The following HFE variants were observed in gnomAD, a reference collection of about 807,000 sequenced individuals.
HFE encodes homeostatic iron regulator.
In HFE, 36 loss-of-function variants were observed where a neutral mutation model predicts 40.9. The ratio of observed to expected loss-of-function variants is 0.88; its 90% CI spans 0.67 to 1.16. The LOEUF (loss-of-function observed/expected upper bound fraction) is 1.16. Among genes scored for constraint, HFE ranks in the 50% most tolerant of loss-of-function variants. HFE has a pLI of 0.00. For synonymous variants in HFE, 157 were observed against 165.4 expected (o/e 0.95, Z 0.39); for missense variants, 376 against 432.0 (o/e 0.87, Z 1.15).
At position 26,087,446 on chromosome 6, in the gene HFE, C is replaced by T. The variant is rs558658016; in HGVS notation, c.6C>T (p.Gly2=). ...GTGCGGCCAGAGCTGGGGAAATGGG[C>T]CCGCGAGCCAGGCCGGCGCTTCTCC... M[G]PRARPALLLL... The change falls in exon 1 of 6, where the codon GGC becomes GGT. Residue 2 remains glycine, a synonymous_variant. Coordinates refer to ENST00000357618, the MANE Select transcript of HFE (RefSeq NM_000410.4). 14 of 1,614,012 alleles carry T rather than the reference C, an allele frequency of 8.7e-6. No homozygotes were observed. In the African/African-American group the frequency reaches 1.5e-4, roughly 17 times the overall value.
Position 26,096,628 on chromosome 6 carries a change from T to C in HFE, c.*2402T>C, listed in dbSNP as rs1156813413. 1 of 448,846 alleles carries C rather than the reference T, an allele frequency of 2.2e-6. No homozygotes were observed. The highest frequency in any genetic ancestry group is 1.6e-5 in the South Asian group (1 of 62,362). The allele number at this position is 448,846 out of a possible 1,614,324, so 27.8% of individuals were successfully genotyped here. The stretch of plus-strand genomic sequence containing the variant: ...ATATCTCATCTCTTCTTTTAAACCA[T>C]TTTCTTTTTTTGTGGTTAGAAAAGT... On this transcript the variant is annotated 3_prime_UTR_variant, in exon 6 of 6. Transcript: ENST00000357618.
In HFE at chr6:26,097,872, ACT is replaced by A. The variant is rs1003847309; in HGVS notation, c.*3647_*3648del. ...ACTCACACACATTTAAAAACAAAACACTGTCTCTAAAATCCCCAAATTTTTCA... is the reference window on the plus strand; with the variant it reads ...ACTCACACACATTTAAAAACAAAACAGTCTCTAAAATCCCCAAATTTTTCA... On this transcript the variant is annotated 3_prime_UTR_variant, in exon 6 of 6. Coordinates refer to ENST00000357618, the MANE Select transcript of HFE (RefSeq NM_000410.4). 2 of 152,152 alleles carry A rather than the reference ACT, an allele frequency of 1.3e-5. No individual in the cohort carries two copies. The highest frequency in any genetic ancestry group is 2.9e-5 in the Non-Finnish European group (2 of 68,040). 9.4% of individuals were successfully genotyped at this position (152,152 alleles called of 1,614,324 possible).
Position 26,094,723 on chromosome 6 carries a change from CAGTAACTCAT to C in HFE, c.*498_*507del. The C allele has an allele frequency of 2.1e-6, 1 of 465,720 alleles. No homozygotes were observed. The highest frequency in any genetic ancestry group is 2.2e-5 in the South Asian group (1 of 44,954). 28.8% of individuals were successfully genotyped at this position (465,720 alleles called of 1,614,324 possible). A position where few individuals can be genotyped will look rare whatever the true frequency, so the allele number is the denominator to read the frequency against. ...CTTTGAATCCTCTCTCTGTGTTACC[CAGTAACTCAT>C]CTGTCACCAAGCCTTGGGGATTCTT... On this transcript the variant is annotated 3_prime_UTR_variant, in exon 6 of 6. Transcript: ENST00000357618.
chr6:26,087,548 C>A (rs377173543), intron 1 of HFE, 32 bp downstream of exon 1: 32 of 1,587,888 alleles, frequency 2.0e-5, no homozygotes, highest in Non-Finnish European at 2.7e-5. Context: ...GAACTAGGGG[C>A]GCGGCGGGGG....
chr6:26,090,455 A>AAAT (rs1277600977), intron 1 of HFE, among the ~76,000 whole-genome samples: 3 of 150,344 alleles, frequency 2.0e-5, no homozygotes, highest in Non-Finnish European at 3.0e-5. Flanking sequence ...AAAAAAAAAA[A>AAAT]AAAAAAAAAA....
At position 26,096,693 on chromosome 6, in the gene HFE, A is replaced by G; in HGVS notation, c.*2467A>G. On this transcript the variant is annotated 3_prime_UTR_variant, in exon 6 of 6. Transcript: ENST00000357618. ...TAAATGTGATTTACGCTCATTGTAG[A>G]AAAGCTATAAAATGAATACAATTAA... The G allele has an allele frequency of 2.4e-6, 1 of 412,302 alleles. No homozygotes were observed. The highest frequency in any genetic ancestry group is 4.7e-6 in the Non-Finnish European group (1 of 211,810). The allele number at this position is 412,302 out of a possible 1,614,324, so 25.5% of individuals were successfully genotyped here.
Position 26,087,533 on chromosome 6 carries a change from C to T in HFE, c.76+17C>T, listed in dbSNP as rs972192371. The T allele has an allele frequency of 1.9e-6, 3 of 1,605,606 alleles. No homozygotes were observed. The highest frequency in any genetic ancestry group is 1.3e-5 in the African/African-American group (1 of 74,866). On this transcript the variant is annotated intron_variant, in intron 1 of 5. Coordinates refer to ENST00000357618, the MANE Select transcript of HFE (RefSeq NM_000410.4). ...GCTTGCTGCGTGAGTCCGAGGGCTG[C>T]GGGCGAACTAGGGGCGCGGCGGGGG...
rs111033557 is a variant in HFE at position 26,090,939 on chromosome 6, G to A, written c.175G>A (p.Val59Met). ...GGGCTACGTGGATGACCAGCTGTTC[G>A]TGTTCTATGATCATGAGAGTCGCCG... is the stretch of plus-strand genomic sequence containing the variant. ...ALGYVDDQLF[V>M]FYDHESRRVE... Residue 59 changes from valine (V) to methionine (M), a missense_variant, in exon 2 of 6, where the codon GTG becomes ATG. Transcript: ENST00000357618. The A allele has an allele frequency of 3.5e-5, 56 of 1,614,002 alleles. No individual in the cohort carries two copies. Among genetic ancestry groups the A allele is most frequent in the Non-Finnish European group, 4.3e-5 (51 of 1,180,028 alleles).
At chr6:26,093,025 A>T in intron 4 of HFE, 65 bp downstream of exon 4, 1 of 1,613,914 alleles carries the variant, frequency 6.2e-7, no homozygotes. Context: ...GTGCCTGAGG[A>T]GGTAATTATG....
chr6:26,091,652 A>T, intron 3 of HFE, 63 bp downstream of exon 3: 1 of 1,569,130 alleles, frequency 6.4e-7, no homozygotes, highest in Non-Finnish European at 8.7e-7. Flanking sequence ...GTTGCAGGGC[A>T]CGGAATCCCT....
At chr6:26,093,636 G>T (rs1762879941) in intron 5 of HFE, among the ~76,000 whole-genome samples, 2 of 152,070 alleles carry the variant, frequency 1.3e-5, no homozygotes, top group Admixed American at 1.3e-4. Context: ...TTCAGCTGGG[G>T]ATCAAGATAG....
At position 26,094,576 on chromosome 6, in the gene HFE, G is replaced by A. The variant is rs1762934307; in HGVS notation, c.*350G>A. 1.5e-6 allele frequency: 1 copy of A among 655,388 alleles called. No individual in the cohort carries two copies. Among genetic ancestry groups the A allele is most frequent in the African/African-American group, 1.8e-5 (1 of 55,018 alleles). 40.6% of individuals were successfully genotyped at this position (655,388 alleles called of 1,614,324 possible). On this transcript the variant is annotated 3_prime_UTR_variant, in exon 6 of 6. Coordinates refer to ENST00000357618, the MANE Select transcript of HFE (RefSeq NM_000410.4). ...TTGGAAGAGGACTCCTTAAATTTGGGGGACTTACATGATTCATTTTAACAT... is the reference window on the plus strand; with the variant it reads ...TTGGAAGAGGACTCCTTAAATTTGGAGGACTTACATGATTCATTTTAACAT...
chr6:26,091,661 C>T (rs1054783901), intron 3 of HFE, 72 bp downstream of exon 3: 11 of 1,542,558 alleles, frequency 7.1e-6, no homozygotes, highest in Non-Finnish European at 8.9e-6. Flanking sequence ...CACGGAATCC[C>T]TGGTTGGAGT....
chr6:26,092,835 T>C lies in HFE; in HGVS notation c.767T>C (p.Val256Ala), dbSNP rs1762821492. 6.2e-7 allele frequency: 1 copy of C among 1,614,212 alleles called. No individual in the cohort carries two copies. Among genetic ancestry groups the C allele is most frequent in the Non-Finnish European group, 8.5e-7 (1 of 1,180,036 alleles). ...GCCAAGGAGTTCGAACCTAAAGACGTATTGCCCAATGGGGATGGGACCTAC... is the reference window on the plus strand; with the variant it reads ...GCCAAGGAGTTCGAACCTAAAGACGCATTGCCCAATGGGGATGGGACCTAC... The part of the protein sequence containing the change: ...MDAKEFEPKD[V>A]LPNGDGTYQG... The change falls in exon 4 of 6, where the codon GTA becomes GCA. Residue 256 changes from valine (V) to alanine (A), a missense_variant. By Grantham distance (64) the Val-to-Ala change is moderately conservative. Coordinates refer to ENST00000357618, the MANE Select transcript of HFE (RefSeq NM_000410.4).
chr6:26,090,629 G>C (rs762420757), intron 1 of HFE, among the ~76,000 whole-genome samples: 5 of 152,004 alleles, frequency 3.3e-5, no homozygotes, highest in Non-Finnish European at 7.4e-5. Flanking sequence ...TCTGGGGGCA[G>C]TGAGGGGGTG....
Position 26,090,921 on chromosome 6 carries a change from G to A in HFE, c.157G>A (p.Val53Met), listed in dbSNP as rs28934889. 78 of 1,614,172 alleles carry A rather than the reference G, an allele frequency of 4.8e-5. No individual in the cohort carries two copies. The African/African-American group carries it at 6.7e-4, about 14-fold the overall frequency. ...GLSLFEALGY[V>M]DDQLFVFYDH... Reference sequence around the variant, plus strand: ...TTCCTTGTTTGAAGCTTTGGGCTACGTGGATGACCAGCTGTTCGTGTTCTA... The same window carrying A: ...TTCCTTGTTTGAAGCTTTGGGCTACATGGATGACCAGCTGTTCGTGTTCTA... The change falls in exon 2 of 6, where the codon GTG (valine) becomes ATG (methionine). Residue 53 changes from valine to methionine, a missense_variant. Coordinates refer to ENST00000357618, the MANE Select transcript of HFE (RefSeq NM_000410.4).
In HFE at chr6:26,090,901, T is replaced by C; in HGVS notation, c.137T>C (p.Leu46Ser). The C allele has an allele frequency of 1.2e-6, 2 of 1,614,136 alleles. No homozygotes were observed. ...TCAGAGCAGGACCTTGGTCTTTCCT[T>C]GTTTGAAGCTTTGGGCTACGTGGAT... ...GASEQDLGLS[L>S]FEALGYVDDQ... Residue 46 changes from leucine (L) to serine (S), a missense_variant, in exon 2 of 6, where the codon TTG becomes TCG. Leu to Ser is a moderately radical substitution (Grantham distance 145, BLOSUM62 -2). Transcript: ENST00000357618.
In HFE at chr6:26,097,816, C is replaced by T. The variant is rs375937849; in HGVS notation, c.*3590C>T. The T allele has an allele frequency of 6.6e-6, 1 of 152,302 alleles. No individual in the cohort carries two copies. Among genetic ancestry groups the T allele is most frequent in the African/African-American group, 2.4e-5 (1 of 41,556 alleles). The allele number at this position is 152,302 out of a possible 1,614,324, so 9.4% of individuals were successfully genotyped here. A position where few individuals can be genotyped will look rare whatever the true frequency, so the allele number is the denominator to read the frequency against. ...ATTATAATAATGTCATCTTATAATA[C>T]TGTCAGTATTTTATAAAACATTCTT... On this transcript the variant is annotated 3_prime_UTR_variant, in exon 6 of 6. Coordinates refer to ENST00000357618, the MANE Select transcript of HFE (RefSeq NM_000410.4).
At position 26,094,383 on chromosome 6, in the gene HFE, C is replaced by G; in HGVS notation, c.*157C>G. 1.3e-6 allele frequency: 1 copy of G among 754,158 alleles called. No homozygotes were observed. 46.7% of individuals were successfully genotyped at this position (754,158 alleles called of 1,614,324 possible). A position where few individuals can be genotyped will look rare whatever the true frequency, so the allele number is the denominator to read the frequency against. On this transcript the variant is annotated 3_prime_UTR_variant, in exon 6 of 6. Coordinates refer to ENST00000357618, the MANE Select transcript of HFE (RefSeq NM_000410.4). Reference sequence around the variant, plus strand: ...TTTTAGCCTTCTCTGTTCATTTCCTCAAAAAGATTTCCCCATTTAGGTTTC... The same window carrying G: ...TTTTAGCCTTCTCTGTTCATTTCCTGAAAAAGATTTCCCCATTTAGGTTTC...
Sources: gnomAD v4.1 joint callset for allele counts (sites outside exome capture counted in the v4.1 genomes callset) on GRCh38, gnomAD v4.1.1 for gene constraint, MANE v1.5 for transcripts, NCBI Gene and HGNC (gene_info 2026-07-23, HGNC 2026-07-21) for gene names.